CSMD1: variants seen among roughly 807,000 people sequenced by gnomAD.
The protein encoded by CSMD1 is CUB and sushi domain-containing protein 1.
Under a neutral mutation model 417.5 loss-of-function variants are expected in CSMD1, and 213 were observed. The ratio of observed to expected loss-of-function variants is 0.51; its 90% CI spans 0.46 to 0.57. CSMD1 has a LOEUF of 0.57. CSMD1 is among the 20% of genes least tolerant of loss of function. CSMD1 has a pLI of 0.00. For missense variants in CSMD1, 6,923 were observed against 4,529.7 expected, an observed-to-expected ratio of 1.53 and a Z score of -15.17; for synonymous variants, 2,862 against 1,736.8, an observed-to-expected ratio of 1.65 and a Z score of -16.11.
chr8:4,276,843 G>C (rs960154142), intron 3 of CSMD1, among the ~76,000 whole-genome samples: 2 of 152,048 alleles, frequency 1.3e-5, no homozygotes, highest in East Asian at 1.9e-4. Flanking sequence ...TACAATAAAT[G>C]TTCAATTTCC....
At chr8:4,060,777 C>G (rs1005842343) in intron 3 of CSMD1, among the ~76,000 whole-genome samples, 2 of 152,066 alleles carry the variant, frequency 1.3e-5, no homozygotes, top group African/African-American at 4.8e-5. Flanking sequence ...TGGGACCACA[C>G]AGGACCCTGA....
intron 8 of CSMD1, chr8:3,613,225 C>T: frequency 2.8e-6 from 1 of 361,256 alleles, no homozygotes. Flanking sequence ...AGAAGTAGAT[C>T]ATCTACATAA....
intron 3 of CSMD1, among the ~76,000 whole-genome samples, chr8:4,255,168 C>T (rs1803366413): frequency 6.6e-6 from 1 of 152,104 alleles, no homozygotes; most frequent in South Asian, 2.1e-4. Flanking sequence ...GAGCTTTATC[C>T]CATGCTGGAA....
intron 2 of CSMD1, among the ~76,000 whole-genome samples, chr8:4,503,762 A>G (rs1347633876): frequency 6.6e-6 from 1 of 152,038 alleles, no homozygotes; most frequent in African/African-American, 2.4e-5. Flanking sequence ...GGTCTGTCCT[A>G]TGTCTCGGGA....
chr8:3,226,273 G>A (rs573602943), intron 27 of CSMD1, among the ~76,000 whole-genome samples: 1 of 152,196 alleles, frequency 6.6e-6, no homozygotes, highest in Admixed American at 6.5e-5. Context: ...ACTTTTTAGG[G>A]ACACTTTACT....
chr8:4,795,464 G>T (rs7004503), intron 1 of CSMD1, among the ~76,000 whole-genome samples: 50,497 of 150,828 alleles, frequency 0.33, 9,119 homozygotes, highest in Admixed American at 0.43. Context: ...TAGAGATGGG[G>T]TTTCACCGTG....
chr8:4,427,781 T>G (rs1295289332), intron 2 of CSMD1, among the ~76,000 whole-genome samples: 1 of 152,192 alleles, frequency 6.6e-6, no homozygotes, highest in African/African-American at 2.4e-5. Context: ...AATTACAGAT[T>G]TTTATCACAA....
At chr8:4,800,492 A>T (rs1224558346) in intron 1 of CSMD1, among the ~76,000 whole-genome samples, 1 of 152,114 alleles carries the variant, frequency 6.6e-6, no homozygotes, top group Non-Finnish European at 1.5e-5. Flanking sequence ...CTTAGGTTTA[A>T]TTCCTGGGAA....
intron 3 of CSMD1, among the ~76,000 whole-genome samples, chr8:4,241,460 C>T (rs762537753): frequency 2.0e-5 from 3 of 152,228 alleles, no homozygotes; most frequent in Non-Finnish European, 4.4e-5. Context: ...ACATCTCCAA[C>T]TGCAGAAGTC....
At chr8:4,196,690 G>A (rs904821883) in intron 3 of CSMD1, among the ~76,000 whole-genome samples, 3 of 152,104 alleles carry the variant, frequency 2.0e-5, no homozygotes, top group Non-Finnish European at 4.4e-5. Context: ...CTGCTTTTAA[G>A]AGTTCACATA....
At chr8:4,007,930 T>A (rs953581232) in intron 4 of CSMD1, among the ~76,000 whole-genome samples, 3 of 152,172 alleles carry the variant, frequency 2.0e-5, no homozygotes, top group African/African-American at 7.2e-5. Flanking sequence ...AAAAACTGCC[T>A]CAAGAACTCT....
chr8:4,567,705 G>A (rs556826509), intron 2 of CSMD1, among the ~76,000 whole-genome samples: 1 of 152,058 alleles, frequency 6.6e-6, no homozygotes, highest in African/African-American at 2.4e-5. Context: ...ATTATAGCTG[G>A]GCCAATTCCA....
At chr8:4,049,197 T>G (rs977065343) in intron 3 of CSMD1, among the ~76,000 whole-genome samples, 1 of 152,118 alleles carries the variant, frequency 6.6e-6, no homozygotes, top group Non-Finnish European at 1.5e-5. Context: ...GTGTTGCGTC[T>G]TTCTCTATCT....
intron 2 of CSMD1, among the ~76,000 whole-genome samples, chr8:4,582,490 C>A (rs536618946): frequency 1.8e-4 from 27 of 152,258 alleles, no homozygotes; most frequent in African/African-American, 6.5e-4. Context: ...CTCCAGGCAC[C>A]AGGCAGGAAA....
intron 41 of CSMD1, among the ~76,000 whole-genome samples, chr8:3,137,473 G>A (rs1180063778): frequency 6.6e-6 from 1 of 152,314 alleles, no homozygotes; most frequent in Non-Finnish European, 1.5e-5. Flanking sequence ...CCTGCTGAGC[G>A]CGGAGCGAGG....
At chr8:3,043,979 A>G (rs1474639073) in intron 50 of CSMD1, among the ~76,000 whole-genome samples, 1 of 152,196 alleles carries the variant, frequency 6.6e-6, no homozygotes, top group Non-Finnish European at 1.5e-5. Context: ...AACACTCTAC[A>G]ACAGCAGCTT....
intron 37 of CSMD1, among the ~76,000 whole-genome samples, chr8:3,170,769 T>C (rs1820536338): frequency 6.6e-6 from 1 of 152,224 alleles, no homozygotes; most frequent in Non-Finnish European, 1.5e-5. Context: ...TAAGTTTGTA[T>C]TTAAAATGGA....
chr8:3,446,165 G>T (rs1357194446), intron 12 of CSMD1, among the ~76,000 whole-genome samples: 1 of 152,070 alleles, frequency 6.6e-6, no homozygotes, highest in Non-Finnish European at 1.5e-5. Flanking sequence ...ATGGCCCCAG[G>T]GAGAAAAAGA....
intron 22 of CSMD1, 93 bp from the exon 23 acceptor site, chr8:3,343,543 G>T: frequency 9.1e-7 from 1 of 1,100,670 alleles, no homozygotes; most frequent in South Asian, 1.6e-5. Flanking sequence ...CAAAGATGCA[G>T]TTTTAAACAA....
Sources: gnomAD v4.1 joint callset for allele counts (sites outside exome capture counted in the v4.1 genomes callset) on GRCh38, gnomAD v4.1.1 for gene constraint, MANE v1.5 for transcripts, NCBI Gene and HGNC (gene_info 2026-07-23, HGNC 2026-07-21) for gene names.